The following WDFY3 variants were observed in gnomAD, a reference collection of about 807,000 sequenced individuals.
The protein encoded by WDFY3 is WD repeat and FYVE domain-containing protein 3.
Under a neutral mutation model 409.6 loss-of-function variants are expected in WDFY3, and 66 were observed. That is an observed-to-expected ratio of 0.16 (90% CI 0.13 to 0.20). The LOEUF (loss-of-function observed/expected upper bound fraction) is 0.20. Among genes scored for constraint, WDFY3 ranks in the 10% least tolerant of loss-of-function variants. The pLI, the probability that WDFY3 is intolerant of heterozygous loss-of-function variation, is 1.00. For missense variants in WDFY3, 3,031 were observed against 4,298.1 expected (o/e 0.71, Z 8.24); for synonymous variants, 1,521 against 1,537.1 (o/e 0.99, Z 0.25).
chr4:84,747,657 T>C (rs1257788169), intron 36 of WDFY3, among the ~76,000 whole-genome samples: 1 of 152,020 alleles, frequency 6.6e-6, no homozygotes, highest in Non-Finnish European at 1.5e-5. Flanking sequence ...AATTAAATCA[T>C]GGGGGTGGTT....
intron 1 of WDFY3, among the ~76,000 whole-genome samples, chr4:84,965,445 T>G (rs1054985776): frequency 1.3e-5 from 2 of 152,192 alleles, no homozygotes; most frequent in African/African-American, 4.8e-5. Context: ...ATCACATTGT[T>G]TCTGTGAAAG....
intron 1 of WDFY3, among the ~76,000 whole-genome samples, chr4:84,953,742 ATT>A (rs1020513002): frequency 6.6e-6 from 1 of 151,926 alleles, no homozygotes; most frequent in Non-Finnish European, 1.5e-5. Context: ...TTGGGCTAAT[ATT>A]TTTCCCCAAG....
chr4:84,905,983 C>T (rs951360446), intron 2 of WDFY3, among the ~76,000 whole-genome samples: 1 of 152,164 alleles, frequency 6.6e-6, no homozygotes, highest in Non-Finnish European at 1.5e-5. Flanking sequence ...ACCTCATCTG[C>T]ATTTCTTCCA....
intron 13 of WDFY3, 58 bp from the exon 14 acceptor site, chr4:84,810,402 A>C: frequency 1.3e-5 from 17 of 1,321,264 alleles, no homozygotes; most frequent in Non-Finnish European, 1.5e-5. Context: ...AAAAAAAAAA[A>C]ACCACTATGC....
At chr4:84,781,957 A>G (rs991520230) in intron 25 of WDFY3, among the ~76,000 whole-genome samples, 9 of 152,228 alleles carry the variant, frequency 5.9e-5, no homozygotes, top group Non-Finnish European at 1.3e-4. Context: ...GCACAACACT[A>G]ACTTTTTATT....
intron 2 of WDFY3, among the ~76,000 whole-genome samples, chr4:84,916,569 C>G (rs1325161880): frequency 1.3e-5 from 2 of 152,150 alleles, no homozygotes; most frequent in African/African-American, 4.8e-5. Context: ...TATTCTGACA[C>G]TCTAATGCAG....
chr4:84,797,899 CTCTT>C (rs1231015862), intron 18 of WDFY3, 93 bp downstream of exon 18: 35 of 1,175,324 alleles, frequency 3.0e-5, no homozygotes, highest in Admixed American at 6.9e-5. Flanking sequence ...ATAAACCCTT[CTCTT>C]TCTTTGCTTT....
intron 19 of WDFY3, among the ~76,000 whole-genome samples, chr4:84,795,379 A>G (rs990760440): frequency 6.6e-6 from 1 of 152,218 alleles, no homozygotes; most frequent in African/African-American, 2.4e-5. Context: ...CTATTGTTTG[A>G]TAATGACCCA....
chr4:84,829,229 T>C (rs774506495), intron 8 of WDFY3, 39 bp from the exon 9 acceptor site: 12 of 1,459,190 alleles, frequency 8.2e-6, no homozygotes, highest in Middle Eastern at 3.7e-4. Flanking sequence ...GCATTATTCC[T>C]GACAATCGCT....
chr4:84,823,106 G>A (rs898047236), intron 10 of WDFY3, among the ~76,000 whole-genome samples: 1 of 152,140 alleles, frequency 6.6e-6, no homozygotes, highest in African/African-American at 2.4e-5. Context: ...TTATTATAAA[G>A]CTACAGCAAT....
chr4:84,850,926 CTGTT>C (rs1758849973), intron 4 of WDFY3, among the ~76,000 whole-genome samples: 6 of 32,162 alleles, frequency 1.9e-4, no homozygotes, highest in East Asian at 1.3e-3. Flanking sequence ...TTTTATTTAT[CTGTT>C]TTTTTTTTTT....
At chr4:84,800,600 C>G (rs1217735323) in intron 17 of WDFY3, among the ~76,000 whole-genome samples, 2 of 152,200 alleles carry the variant, frequency 1.3e-5, no homozygotes, top group Non-Finnish European at 2.9e-5. Flanking sequence ...AGATCACATA[C>G]TGTATAACTT....
At chr4:84,932,857 A>G (rs1056598430) in intron 1 of WDFY3, among the ~76,000 whole-genome samples, 1 of 152,216 alleles carries the variant, frequency 6.6e-6, no homozygotes, top group Non-Finnish European at 1.5e-5. Context: ...TTGCTGCCTC[A>G]TTCAAAGGTC....
chr4:84,807,246 A>T (rs1027900463), intron 15 of WDFY3, among the ~76,000 whole-genome samples: 2 of 152,136 alleles, frequency 1.3e-5, no homozygotes, highest in African/African-American at 4.8e-5. Context: ...CAGCTTTTTT[A>T]AAAAAAGAAA....
At chr4:84,730,335 A>T (rs976103598) in intron 44 of WDFY3, among the ~76,000 whole-genome samples, 4 of 152,218 alleles carry the variant, frequency 2.6e-5, no homozygotes, top group Non-Finnish European at 4.4e-5. Flanking sequence ...TAGGGAAGAC[A>T]AGAGTGCTGG....
chr4:84,794,663 G>A lies in WDFY3; in HGVS notation c.3343C>T (p.Pro1115Ser), dbSNP rs767642484. 1.3e-5 allele frequency: 21 copies of A among 1,613,852 alleles called. No homozygotes were observed. In the South Asian group the frequency reaches 2.1e-4, roughly 16 times the overall value. ...WFCIEHFSSP[P>S]NNHPVRLLTV... ...AGAAGTCTGACAGGGTGGTTATTTGGAGGAGAACTAAAATGTTCAATACAA... is the reference window on the plus strand; with the variant it reads ...AGAAGTCTGACAGGGTGGTTATTTGAAGGAGAACTAAAATGTTCAATACAA... Residue 1115 changes from proline (P) to serine (S), a missense_variant, in exon 21 of 68, where the codon CCA (proline) becomes TCA (serine). By Grantham distance (74) the Pro-to-Ser change is moderately conservative (BLOSUM62 -1). Coordinates refer to ENST00000295888, the MANE Select transcript of WDFY3 (RefSeq NM_014991.6).
At chr4:84,911,341 A>G (rs1026889177) in intron 2 of WDFY3, among the ~76,000 whole-genome samples, 26 of 152,262 alleles carry the variant, frequency 1.7e-4, no homozygotes, top group Admixed American at 3.3e-4. Flanking sequence ...TTAAAATATT[A>G]GCTGAGCATG....
At chr4:84,813,476 C>T (rs1167938117) in intron 13 of WDFY3, among the ~76,000 whole-genome samples, 5 of 152,224 alleles carry the variant, frequency 3.3e-5, no homozygotes, top group South Asian at 4.1e-4. Flanking sequence ...TATGCTTTTA[C>T]GTATCTGCAT....
chr4:84,713,300 G>A lies in WDFY3; in HGVS notation c.7962-61C>T, dbSNP rs1649601031. The A allele has an allele frequency of 1.1e-5, 16 of 1,443,006 alleles. No individual in the cohort carries two copies. In the Admixed American group the frequency reaches 2.2e-4, roughly 20 times the overall value. 89.4% of individuals were successfully genotyped at this position (1,443,006 alleles called of 1,614,324 possible). Reference sequence around the variant, plus strand: ...AGTCTCAGTCAGGATCTAATGGGAAGCCTAAGAAAGGACGATTCGTTTAGA... The same window carrying A: ...AGTCTCAGTCAGGATCTAATGGGAAACCTAAGAAAGGACGATTCGTTTAGA... On this transcript the variant is annotated intron_variant, in intron 50 of 67. Transcript: ENST00000295888.
Sources: gnomAD v4.1 joint callset for allele counts (sites outside exome capture counted in the v4.1 genomes callset) on GRCh38, gnomAD v4.1.1 for gene constraint, MANE v1.5 for transcripts, NCBI Gene and HGNC (gene_info 2026-07-23, HGNC 2026-07-21) for gene names.